The following VPS37A variants were observed in gnomAD, a reference collection of about 807,000 sequenced individuals.
VPS37A encodes the protein VPS37A subunit of ESCRT-I, also known as vacuolar protein sorting-associated protein 37A.
VPS37A carries 30 observed loss-of-function variants against 49.8 expected under a neutral mutation model. The ratio of observed to expected loss-of-function variants is 0.60; its 90% CI spans 0.45 to 0.82. The LOEUF is 0.82. Among genes scored for constraint, VPS37A ranks in the 40% least tolerant of loss-of-function variants. The probability of loss-of-function intolerance (pLI) is 0.00; values close to 1 mark genes in which losing one functional copy is unlikely to be tolerated. For synonymous variants in VPS37A, 195 were observed against 160.6 expected (o/e 1.21, Z -1.62); for missense variants, 593 against 464.4 (o/e 1.28, Z -2.55).
chr8:17,332,445 G>A, the VPS37A span, among the ~76,000 whole-genome samples: 2 of 152,104 alleles, frequency 1.3e-5, no homozygotes, highest in Admixed American at 1.3e-4. Flanking sequence ...GATACACAAT[G>A]GTTTATCATG....
rs1008836002 is a variant in VPS37A at position 17,246,972 on chromosome 8, C to A, written c.-273C>A. 12 of 476,970 alleles carry A rather than the reference C, an allele frequency of 2.5e-5. No individual in the cohort carries two copies. Among genetic ancestry groups the A allele is most frequent in the Non-Finnish European group, 3.8e-5 (10 of 265,810 alleles). The allele number at this position is 476,970 out of a possible 1,614,324, so 29.5% of individuals were successfully genotyped here. ...GGTGGTGGAGCGCTGGGCGGCCAGG[C>A]TCCCTGGCTGGCCGGTTTGGGCGTC... On this transcript the variant is annotated 5_prime_UTR_variant, in exon 1 of 12. Transcript: ENST00000324849.
intron 6 of VPS37A, 108 bp downstream of exon 6, chr8:17,276,575 C>G: frequency 1.8e-6 from 2 of 1,099,356 alleles, no homozygotes; most frequent in Non-Finnish European, 1.3e-6. Flanking sequence ...TTCACTAATC[C>G]TAAACAATAT....
At chr8:17,309,397 G>A in the VPS37A span, 16 of 1,070,530 alleles carry the variant, frequency 1.5e-5, no homozygotes, top group Non-Finnish European at 2.3e-5. Flanking sequence ...AACCAATAAT[G>A]TTGAGGAATT....
chr8:17,270,609 A>T (rs535055955), intron 4 of VPS37A, among the ~76,000 whole-genome samples: 1 of 152,128 alleles, frequency 6.6e-6, no homozygotes, highest in East Asian at 1.9e-4. Context: ...AGTCACCTAG[A>T]TCCACCCAGA....
intron 10 of VPS37A, among the ~76,000 whole-genome samples, chr8:17,285,026 A>G (rs1410675583): frequency 6.6e-6 from 1 of 152,092 alleles, no homozygotes; most frequent in Non-Finnish European, 1.5e-5. Flanking sequence ...AGAAATTGCT[A>G]ATAAACTTTG....
chr8:17,252,548 A>C (rs1016612248), intron 1 of VPS37A, among the ~76,000 whole-genome samples: 1 of 152,218 alleles, frequency 6.6e-6, no homozygotes, highest in Non-Finnish European at 1.5e-5. Context: ...AAAAGGCAGA[A>C]GATTTCCCCT....
chr8:17,261,902 T>C (rs553518707), intron 1 of VPS37A, among the ~76,000 whole-genome samples: 7 of 152,192 alleles, frequency 4.6e-5, no homozygotes, highest in Non-Finnish European at 7.3e-5. Context: ...AGGATGGTAG[T>C]CTTGCCTCTC....
chr8:17,320,192 A>T, the VPS37A span, among the ~76,000 whole-genome samples: 1 of 152,114 alleles, frequency 6.6e-6, no homozygotes, highest in Non-Finnish European at 1.5e-5. Context: ...GGCCACCAGA[A>T]AGTTTAAAAT....
the VPS37A span, chr8:17,331,392 G>C: frequency 8.6e-7 from 1 of 1,166,190 alleles, no homozygotes; most frequent in Non-Finnish European, 1.2e-6. Flanking sequence ...ATGATGTACG[G>C]AAACATAATA....
intron 1 of VPS37A, among the ~76,000 whole-genome samples, chr8:17,249,386 C>T (rs1024260947): frequency 6.6e-6 from 1 of 152,066 alleles, no homozygotes; most frequent in African/African-American, 2.4e-5. Flanking sequence ...AAATTATGAA[C>T]GTATGATTGG....
the VPS37A span, chr8:17,309,261 CTTAA>C: frequency 6.8e-7 from 1 of 1,476,304 alleles, no homozygotes; most frequent in South Asian, 1.1e-5. Context: ...TCAAAACAGT[CTTAA>C]ATATTACTTA....
At chr8:17,303,682 T>TCAC (rs1817272222), downstream of VPS37A, among the ~76,000 whole-genome samples, 1 of 151,636 alleles carries the variant, frequency 6.6e-6, no homozygotes, top group African/African-American at 2.4e-5. Flanking sequence ...CGATCTCGGC[T>TCAC]CACCGCAACC....
At chr8:17,332,214 C>T in the VPS37A span, among the ~76,000 whole-genome samples, 1 of 140,596 alleles carries the variant, frequency 7.1e-6, no homozygotes, top group African/African-American at 3.2e-5. Flanking sequence ...ACTGAGAACT[C>T]ACCACCAGAA....
intron 1 of VPS37A, chr8:17,248,317 C>G: frequency 2.2e-6 from 1 of 447,762 alleles, no homozygotes; most frequent in Non-Finnish European, 4.4e-6. Context: ...CAGGCTGGAG[C>G]GCAGTGGCGC....
At chr8:17,257,373 T>A (rs1812564716) in intron 1 of VPS37A, among the ~76,000 whole-genome samples, 1 of 152,186 alleles carries the variant, frequency 6.6e-6, no homozygotes, top group Non-Finnish European at 1.5e-5. Context: ...ACCTTGTTCT[T>A]TTTGCTCAGA....
At chr8:17,299,483 A>G (rs1403528292), downstream of VPS37A, 3 of 179,136 alleles carry the variant, frequency 1.7e-5, no homozygotes, top group Non-Finnish European at 3.6e-5. Context: ...GAAGTGAACT[A>G]AAAGAATCAT....
intron 1 of VPS37A, chr8:17,248,111 C>T: frequency 2.8e-6 from 1 of 359,770 alleles, no homozygotes; most frequent in Non-Finnish European, 5.3e-6. Context: ...TGGTTTGCTG[C>T]AGCCTTTTAC....
chr8:17,264,806 A>C (rs1203980538), intron 1 of VPS37A, among the ~76,000 whole-genome samples: 1 of 152,156 alleles, frequency 6.6e-6, no homozygotes, highest in Non-Finnish European at 1.5e-5. Context: ...CCTCATTAAT[A>C]CTACTTAGCA....
chr8:17,251,600 T>A (rs774053191), intron 1 of VPS37A, among the ~76,000 whole-genome samples: 3 of 152,242 alleles, frequency 2.0e-5, no homozygotes, highest in Non-Finnish European at 4.4e-5. Flanking sequence ...GAACTACTTC[T>A]GACTTTCCAT....
Sources: gnomAD v4.1 joint callset for allele counts (sites outside exome capture counted in the v4.1 genomes callset) on GRCh38, gnomAD v4.1.1 for gene constraint, MANE v1.5 for transcripts, NCBI Gene and HGNC (gene_info 2026-07-23, HGNC 2026-07-21) for gene names.